ADGRB3: variants seen among roughly 807,000 people sequenced by gnomAD.
ADGRB3 encodes brain-specific angiogenesis inhibitor 3.
ADGRB3 carries 37 observed loss-of-function variants against 193.4 expected under a neutral mutation model. The ratio of observed to expected loss-of-function variants is 0.19; its 90% CI spans 0.15 to 0.25. ADGRB3 has a LOEUF of 0.25. Ranked by LOEUF, ADGRB3 falls within the 10% of genes least tolerant of loss-of-function variation. The probability of loss-of-function intolerance (pLI) is 1.00; values close to 1 mark genes in which losing one functional copy is unlikely to be tolerated. For synonymous variants in ADGRB3, 690 were observed against 644.2 expected (o/e 1.07, Z -1.08); for missense variants, 1,637 against 1,852.9 (o/e 0.88, Z 2.14).
At chr6:68,737,447 T>A (rs1047775514) in intron 3 of ADGRB3, among the ~76,000 whole-genome samples, 14 of 152,314 alleles carry the variant, frequency 9.2e-5, no homozygotes, top group African/African-American at 3.4e-4. Flanking sequence ...GAACATTGTT[T>A]CTCAATAATA....
chr6:69,120,853 T>A (rs1166382812), intron 17 of ADGRB3, among the ~76,000 whole-genome samples: 1 of 152,210 alleles, frequency 6.6e-6, no homozygotes, highest in East Asian at 1.9e-4. Context: ...GTACTATGTG[T>A]GTGACACAGT....
At chr6:69,212,883 T>C (rs1206176439) in intron 17 of ADGRB3, among the ~76,000 whole-genome samples, 1 of 152,158 alleles carries the variant, frequency 6.6e-6, no homozygotes, top group Non-Finnish European at 1.5e-5. Flanking sequence ...AGAAAGGTGA[T>C]AGGAGGTAGC....
chr6:68,691,393 G>A (rs1007147914), intron 3 of ADGRB3, among the ~76,000 whole-genome samples: 2 of 152,050 alleles, frequency 1.3e-5, no homozygotes, highest in Non-Finnish European at 2.9e-5. Flanking sequence ...AGATGAATGT[G>A]TAGTGTCTGA....
rs1354435533 is a variant in ADGRB3 at position 68,637,410 on chromosome 6, G to GC, written c.-166dup. The GC allele has an allele frequency of 5.9e-5, 9 of 152,758 alleles. No homozygotes were observed. Among genetic ancestry groups the GC allele is most frequent in the African/African-American group, 2.2e-4 (9 of 41,566 alleles). 9.5% of individuals were successfully genotyped at this position (152,758 alleles called of 1,614,324 possible). ...TTACAGAACAGTGGAAGAGACTGCA[G>GC]CCTAAAGACTTTTAAAATTAACTTG... On this transcript the variant is annotated 5_prime_UTR_variant, in exon 2 of 32. Transcript: ENST00000370598.
chr6:68,748,517 C>A (rs190991666), intron 3 of ADGRB3, among the ~76,000 whole-genome samples: 12 of 152,330 alleles, frequency 7.9e-5, no homozygotes, highest in African/African-American at 2.6e-4. Flanking sequence ...GGTCTCACAT[C>A]CAGGTCACAC....
At chr6:69,186,846 G>A (rs1433263605) in intron 17 of ADGRB3, among the ~76,000 whole-genome samples, 2 of 151,452 alleles carry the variant, frequency 1.3e-5, no homozygotes, top group East Asian at 3.9e-4. Context: ...AAATACAGAA[G>A]TACTATTACC....
chr6:69,111,958 G>C (rs555655567), intron 17 of ADGRB3, among the ~76,000 whole-genome samples: 20 of 152,336 alleles, frequency 1.3e-4, no homozygotes, highest in African/African-American at 4.8e-4. Flanking sequence ...CACTAACCTG[G>C]AATTTTTGCA....
intron 24 of ADGRB3, among the ~76,000 whole-genome samples, chr6:69,333,941 T>C (rs12212102): frequency 0.14 from 136 of 980 alleles, no homozygotes; most frequent in African/African-American, 0.21. Flanking sequence ...AAAAACAAAA[T>C]AAAATAAAAT....
At chr6:69,242,432 T>C (rs1766404820) in intron 20 of ADGRB3, among the ~76,000 whole-genome samples, 2 of 151,864 alleles carry the variant, frequency 1.3e-5, no homozygotes, top group African/African-American at 4.8e-5. Flanking sequence ...AAGAAATTAT[T>C]TGATACTGCT....
At position 69,045,772 on chromosome 6, in the gene ADGRB3, T is replaced by C. The variant is rs910966661; in HGVS notation, c.2108-2413T>C. Among the ~76,000 whole-genome samples the C allele has an allele frequency of 1.4e-4, 21 of 152,152 alleles. 1 individual carries two copies. Among genetic ancestry groups the C allele is most frequent in the Admixed American group, 8.5e-4 (13 of 15,276 alleles). ...TACTTATAATAGTAAAAACCTCCAT[T>C]ACATTCCTACTGTAGTTAATAAATA... On this transcript the variant is annotated intron_variant, in intron 13 of 31. Transcript: ENST00000370598.
At chr6:69,333,908 C>T (rs562042758) in intron 24 of ADGRB3, among the ~76,000 whole-genome samples, 4 of 145,530 alleles carry the variant, frequency 2.7e-5, no homozygotes, top group African/African-American at 5.1e-5. Context: ...CCAGCCTGGG[C>T]GACAGAGCGA....
At position 69,279,978 on chromosome 6, in the gene ADGRB3, C is replaced by T. The variant is rs116275832; in HGVS notation, c.2814+40752C>T. Among the ~76,000 whole-genome samples the T allele has an allele frequency of 2.3e-3, 354 of 152,294 alleles. 6 individuals carry two copies. The highest frequency in any genetic ancestry group is 6.2e-3 in the African/African-American group (256 of 41,546). On this transcript the variant is annotated intron_variant, in intron 20 of 31. Coordinates refer to ENST00000370598, the MANE Select transcript of ADGRB3 (RefSeq NM_001704.3). ...ACTGCTTTCAGCTGCTGTAGTCAGT[C>T]ATAGGCCTCCCACGGTTGTGAGGCG...
intron 29 of ADGRB3, among the ~76,000 whole-genome samples, chr6:69,361,938 C>A (rs1769464212): frequency 1.3e-5 from 2 of 151,852 alleles, no homozygotes; most frequent in South Asian, 4.1e-4. Context: ...GAGATCTGCA[C>A]TTTCTGTGTA....
At chr6:68,665,719 A>G (rs1166784868) in intron 3 of ADGRB3, among the ~76,000 whole-genome samples, 1 of 151,870 alleles carries the variant, frequency 6.6e-6, no homozygotes, top group Admixed American at 6.6e-5. Context: ...AATTCTTCAA[A>G]TTAATAACTA....
chr6:69,279,103 A>ATATATATATC (rs1767368653), intron 20 of ADGRB3, among the ~76,000 whole-genome samples: 2 of 134,754 alleles, frequency 1.5e-5, no homozygotes, highest in Non-Finnish European at 3.2e-5. Context: ...ATATATATAT[A>ATATATATATC]TATATATATA....
rs569445099 is a variant in ADGRB3 at position 69,363,705 on chromosome 6, G to A, written c.4239+2193G>A. Among the ~76,000 whole-genome samples the A allele has an allele frequency of 3.5e-4, 53 of 152,062 alleles. No homozygotes were observed. The South Asian group carries it at 0.011, about 32-fold the overall frequency. On this transcript the variant is annotated intron_variant, in intron 29 of 31. Coordinates refer to ENST00000370598, the MANE Select transcript of ADGRB3 (RefSeq NM_001704.3). ...TTATGATTAATAAAGACATGAAATG[G>A]GTAAAGCCCTTGTCCTTTAAGTGTG... is the stretch of plus-strand genomic sequence containing the variant.
intron 20 of ADGRB3, among the ~76,000 whole-genome samples, chr6:69,316,785 C>T (rs1768321867): frequency 6.6e-6 from 1 of 151,442 alleles, no homozygotes; most frequent in Non-Finnish European, 1.5e-5. Flanking sequence ...GTGGCTTAAT[C>T]TTTCAAGAAG....
At chr6:69,357,772 A>C (rs757547807) in intron 28 of ADGRB3, among the ~76,000 whole-genome samples, 6 of 151,962 alleles carry the variant, frequency 3.9e-5, no homozygotes, top group Non-Finnish European at 8.8e-5. Context: ...GTGGACCTGC[A>C]CTGGGCATTA....
chr6:69,187,108 T>C (rs1269214851), intron 17 of ADGRB3, among the ~76,000 whole-genome samples: 1 of 152,090 alleles, frequency 6.6e-6, no homozygotes, highest in Non-Finnish European at 1.5e-5. Context: ...TCAAAAACAA[T>C]GCTCACTTTA....
Sources: allele counts gnomAD v4.1 joint callset (sites outside exome capture counted in the v4.1 genomes callset), GRCh38; gene constraint gnomAD v4.1.1; transcripts MANE v1.5; gene names NCBI Gene and HGNC (gene_info 2026-07-23, HGNC 2026-07-21).